The following OLA1 variants were observed in gnomAD, a reference collection of about 807,000 sequenced individuals.
OLA1 encodes the protein obg-like ATPase 1.
Under a neutral mutation model 48.4 loss-of-function variants are expected in OLA1, and 14 were observed. That is an observed-to-expected ratio of 0.29 (90% CI 0.19 to 0.45). The LOEUF is 0.45. Among genes scored for constraint, OLA1 ranks in the 20% least tolerant of loss-of-function variants. The probability of loss-of-function intolerance (pLI) is 1.00; values close to 1 mark genes in which losing one functional copy is unlikely to be tolerated. For missense variants in OLA1, 325 were observed against 467.1 expected (o/e 0.70, Z 2.80); for synonymous variants, 127 against 150.4 (o/e 0.84, Z 1.14).
At chr2:174,242,427 G>C (rs983812844) in intron 2 of OLA1, among the ~76,000 whole-genome samples, 1 of 152,180 alleles carries the variant, frequency 6.6e-6, no homozygotes, top group African/African-American at 2.4e-5. Context: ...CCTGCTGCTC[G>C]CCTCCTGCCA....
chr2:174,221,163 G>A (rs959430966), intron 4 of OLA1, among the ~76,000 whole-genome samples: 3 of 152,098 alleles, frequency 2.0e-5, no homozygotes, highest in Admixed American at 6.6e-5. Flanking sequence ...TACTAAGAGA[G>A]CATAGTATCT....
intron 4 of OLA1, among the ~76,000 whole-genome samples, chr2:174,210,394 A>G (rs1160118021): frequency 6.6e-6 from 1 of 152,188 alleles, no homozygotes; most frequent in Non-Finnish European, 1.5e-5. Context: ...CGCATACATC[A>G]TTTAGAATTT....
chr2:174,120,761 G>C (rs1280234197), intron 7 of OLA1, among the ~76,000 whole-genome samples: 6 of 152,134 alleles, frequency 3.9e-5, no homozygotes, highest in Admixed American at 3.9e-4. Context: ...AGTAACTAAA[G>C]TGTTCAATAC....
intron 7 of OLA1, among the ~76,000 whole-genome samples, chr2:174,117,815 C>T (rs1685819179): frequency 1.3e-5 from 2 of 152,156 alleles, no homozygotes; most frequent in Admixed American, 1.3e-4. Context: ...TCCCGAGGTC[C>T]TGCCCTATAT....
At position 174,110,181 on chromosome 2, in the gene OLA1, A is replaced by G. The variant is rs1287252030; in HGVS notation, c.728+12999T>C. ...TGCGGCATGATCTTGGCTCACTGCA[A>G]TCTCTGCCTTTTGGGTTCGATCTCC... On this transcript the variant is annotated intron_variant, in intron 7 of 10. Transcript: ENST00000284719. 5.4e-5 allele frequency among the ~76,000 whole-genome samples: 8 copies of G among 146,890 alleles called. No individual in the cohort carries two copies. The East Asian group carries it at 1.6e-3, about 30-fold the overall frequency.
chr2:174,213,117 A>G (rs1414412262), intron 4 of OLA1, among the ~76,000 whole-genome samples: 2 of 152,188 alleles, frequency 1.3e-5, no homozygotes, highest in Non-Finnish European at 2.9e-5. Flanking sequence ...ACACACATAC[A>G]TGCACATGCA....
intron 5 of OLA1, among the ~76,000 whole-genome samples, chr2:174,139,923 T>C (rs954996302): frequency 4.7e-5 from 7 of 147,998 alleles, no homozygotes; most frequent in Non-Finnish European, 7.5e-5. Flanking sequence ...TATGTCAGAG[T>C]ATATCTACCT....
intron 2 of OLA1, among the ~76,000 whole-genome samples, chr2:174,230,907 A>G (rs1688714147): frequency 6.6e-6 from 1 of 152,228 alleles, no homozygotes; most frequent in Non-Finnish European, 1.5e-5. Flanking sequence ...AAAATTTGGA[A>G]GAAGTGATTT....
At chr2:174,093,496 C>G (rs995213081) in intron 7 of OLA1, among the ~76,000 whole-genome samples, 27 of 151,332 alleles carry the variant, frequency 1.8e-4, no homozygotes, top group Admixed American at 1.8e-3. Context: ...AACCACCAAC[C>G]AACCAACCAA....
At chr2:174,168,208 G>C (rs1027232161) in intron 4 of OLA1, among the ~76,000 whole-genome samples, 3 of 152,168 alleles carry the variant, frequency 2.0e-5, no homozygotes, top group African/African-American at 7.2e-5. Context: ...AGAATGCAAA[G>C]GGAAGAGAAA....
chr2:174,139,017 T>G (rs1049737668), intron 5 of OLA1, among the ~76,000 whole-genome samples: 1 of 152,244 alleles, frequency 6.6e-6, no homozygotes, highest in African/African-American at 2.4e-5. Flanking sequence ...AACTTCATTT[T>G]TCAAATTTCA....
chr2:174,210,931 G>T (rs568675540), intron 4 of OLA1, among the ~76,000 whole-genome samples: 4 of 152,246 alleles, frequency 2.6e-5, no homozygotes, highest in African/African-American at 7.2e-5. Flanking sequence ...TCTCAATGAT[G>T]TTCCCTCCAG....
chr2:174,099,584 C>T (rs1246105362), intron 7 of OLA1, among the ~76,000 whole-genome samples: 1 of 152,104 alleles, frequency 6.6e-6, no homozygotes, highest in African/African-American at 2.4e-5. Context: ...AGACAAACAC[C>T]GATGAAACAT....
intron 1 of OLA1, 39 bp downstream of exon 1, chr2:174,248,413 T>C (rs1301205109): frequency 6.2e-6 from 1 of 160,626 alleles, no homozygotes; most frequent in Non-Finnish European, 1.5e-5. Flanking sequence ...GCCGAAGACC[T>C]GGCGGAGATC....
intron 7 of OLA1, among the ~76,000 whole-genome samples, chr2:174,099,174 TG>T (rs1312807624): frequency 6.6e-6 from 1 of 151,780 alleles, no homozygotes; most frequent in Non-Finnish European, 1.5e-5. Context: ...TTTTTTTTTT[TG>T]AGACGGAGTC....
rs187954134 is a variant in OLA1 at position 174,078,572 on chromosome 2, T to C, written c.1089+396A>G. 1.2e-4 allele frequency among the ~76,000 whole-genome samples: 18 copies of C among 152,106 alleles called. No homozygotes were observed. The East Asian group carries it at 3.5e-3, about 29-fold the overall frequency. On this transcript the variant is annotated intron_variant, in intron 10 of 10. Transcript: ENST00000284719. The stretch of plus-strand genomic sequence containing the variant: ...GAAGTTTTAGAAAGAACAGCTTTTA[T>C]TTAACTAACTTTCTATCTCTATTCT...
rs77324715 is a variant in OLA1, at chr2:174,185,084, T to C, written c.373+37949A>G. Among the ~76,000 whole-genome samples, 356 of 152,292 alleles carry C rather than the reference T, an allele frequency of 2.3e-3. 3 individuals are homozygous for C. Among genetic ancestry groups the C allele is most frequent in the African/African-American group, 8.3e-3 (343 of 41,566 alleles). The stretch of plus-strand genomic sequence containing the variant: ...TGGTGGAGCAGATCCCCGTTCCTTG[T>C]AGTCATTCACAGATTCAGGTACTTT... On this transcript the variant is annotated intron_variant, in intron 4 of 10. Transcript: ENST00000284719.
chr2:174,086,698 T>C (rs1036044057), intron 7 of OLA1, among the ~76,000 whole-genome samples: 1 of 152,198 alleles, frequency 6.6e-6, no homozygotes, highest in Non-Finnish European at 1.5e-5. Context: ...GCAGGTCGCA[T>C]CCACAGTGGA....
At chr2:174,098,175 T>C (rs1381890675) in intron 7 of OLA1, among the ~76,000 whole-genome samples, 2 of 152,204 alleles carry the variant, frequency 1.3e-5, no homozygotes, top group Non-Finnish European at 2.9e-5. Context: ...CCTATTGACA[T>C]ATATTTTCAG....
Sources: gnomAD v4.1 joint callset for allele counts (sites outside exome capture counted in the v4.1 genomes callset) on GRCh38, gnomAD v4.1.1 for gene constraint, MANE v1.5 for transcripts, NCBI Gene and HGNC (gene_info 2026-07-23, HGNC 2026-07-21) for gene names.